The following ISCA1 variants were observed in gnomAD, a reference collection of about 807,000 sequenced individuals.
ISCA1 encodes iron-sulfur cluster assembly 1 homolog, mitochondrial.
ISCA1 carries 9 observed loss-of-function variants against 14.7 expected under a neutral mutation model. The observed-to-expected ratio is 0.61, with a 90% CI of 0.37 to 1.07. The LOEUF (loss-of-function observed/expected upper bound fraction) is 1.07. Among genes scored for constraint, ISCA1 ranks in the 50% least tolerant of loss-of-function variants. The pLI is 0.01. For synonymous variants in ISCA1, 38 were observed against 54.3 expected (o/e 0.70, Z 1.32); for missense variants, 102 against 150.1 (o/e 0.68, Z 1.67).
At chr9:86,278,926 A>G (rs1454734535) in intron 1 of ISCA1, among the ~76,000 whole-genome samples, 1 of 152,220 alleles carries the variant, frequency 6.6e-6, no homozygotes, top group Non-Finnish European at 1.5e-5. Context: ...AACTTAAAAA[A>G]AACCATAATT....
At position 86,264,704 on chromosome 9, in the gene ISCA1, G is replaced by A. The variant is rs560941723; in HGVS notation, c.*1339C>T. On this transcript the variant is annotated 3_prime_UTR_variant, in exon 4 of 4. Coordinates refer to ENST00000375991, the MANE Select transcript of ISCA1 (RefSeq NM_030940.4). ...ACCGCTCTAGGTTTTGGTGTGTTTT[G>A]TGTCAGCTACTTTAGTGAATAAACG... 2.0e-5 allele frequency: 3 copies of A among 152,558 alleles called. No homozygotes were observed. The highest frequency in any genetic ancestry group is 1.9e-4 in the East Asian group (1 of 5,176). The allele number at this position is 152,558 out of a possible 1,614,324, so 9.5% of individuals were successfully genotyped here. A position where few individuals can be genotyped will look rare whatever the true frequency, so the allele number is the denominator to read the frequency against.
At chr9:86,275,559 C>A (rs945447285) in intron 1 of ISCA1, among the ~76,000 whole-genome samples, 2 of 152,282 alleles carry the variant, frequency 1.3e-5, no homozygotes, top group African/African-American at 4.8e-5. Context: ...AATGTGAAGA[C>A]CAACATGTCT....
chr9:86,266,032 G>A lies in ISCA1; in HGVS notation c.*11C>T, dbSNP rs1158985965. On this transcript the variant is annotated 3_prime_UTR_variant, in exon 4 of 4. Coordinates refer to ENST00000375991, the MANE Select transcript of ISCA1 (RefSeq NM_030940.4). ...TTTCCTGGAACCTACGGCCAGAAGA[G>A]TCCTGAGATTTCAAATATTAAAGCT... 6.2e-7 allele frequency: 1 copy of A among 1,611,792 alleles called. No homozygotes were observed. The highest frequency in any genetic ancestry group is 8.5e-7 in the Non-Finnish European group (1 of 1,179,834).
At position 86,282,252 on chromosome 9, in the gene ISCA1, C is replaced by G; in HGVS notation, c.81+126G>C. 5 of 1,054,736 alleles carry G rather than the reference C, an allele frequency of 4.7e-6. No homozygotes were observed. In the South Asian group the frequency reaches 6.9e-5, roughly 15 times the overall value. 65.3% of individuals were successfully genotyped at this position (1,054,736 alleles called of 1,614,324 possible). A position where few individuals can be genotyped will look rare whatever the true frequency, so the allele number is the denominator to read the frequency against. The stretch of plus-strand genomic sequence containing the variant: ...GAGGCGGCGAGGCTGTGCGGCGGGT[C>G]GGAGCGACGCCGAGGTCTGACGTGT... On this transcript the variant is annotated intron_variant, in intron 1 of 3. Transcript: ENST00000375991.
rs1345445004 is a variant in ISCA1, at chr9:86,282,484, C to T, written c.-26G>A. 6.4e-7 allele frequency: 1 copy of T among 1,550,464 alleles called. No individual in the cohort carries two copies. Among genetic ancestry groups the T allele is most frequent in the Admixed American group, 2.0e-5 (1 of 51,050 alleles). On this transcript the variant is annotated 5_prime_UTR_variant, in exon 1 of 4. Coordinates refer to ENST00000375991, the MANE Select transcript of ISCA1 (RefSeq NM_030940.4). ...CTTCGCCGTCCCGGCGCCCCGGTGC[C>T]TCGGGCCGAAGGTCGGCCGCCTCAG... is the stretch of plus-strand genomic sequence containing the variant.
chr9:86,268,614 C>G (rs189379418), intron 3 of ISCA1, among the ~76,000 whole-genome samples: 3 of 152,160 alleles, frequency 2.0e-5, no homozygotes, highest in Admixed American at 2.0e-4. Flanking sequence ...CACTGACTCA[C>G]GCGGACAACT....
In ISCA1 at chr9:86,265,383, C is replaced by A. The variant is rs1825282231; in HGVS notation, c.*660G>T. The A allele has an allele frequency of 1.3e-5, 2 of 152,202 alleles. No homozygotes were observed. The highest frequency in any genetic ancestry group is 2.9e-5 in the Non-Finnish European group (2 of 68,152). The allele number at this position is 152,202 out of a possible 1,614,324, so 9.4% of individuals were successfully genotyped here. A position where few individuals can be genotyped will look rare whatever the true frequency, so the allele number is the denominator to read the frequency against. On this transcript the variant is annotated 3_prime_UTR_variant, in exon 4 of 4. Coordinates refer to ENST00000375991, the MANE Select transcript of ISCA1 (RefSeq NM_030940.4). ...TAGATGGCTTTAAGAGACTTCTCAA[C>A]TAAAAGAATCAAAGTCAGCTTGAGA...
chr9:86,266,268 T>C (rs1825292347), intron 3 of ISCA1, 77 bp from the exon 4 acceptor site: 1 of 1,511,256 alleles, frequency 6.6e-7, no homozygotes. Context: ...CAAGTGAACT[T>C]GAAATAGTGA....
chr9:86,273,318 TCA>T (rs1825396148), intron 2 of ISCA1, among the ~76,000 whole-genome samples: 1 of 152,176 alleles, frequency 6.6e-6, no homozygotes, highest in South Asian at 2.1e-4. Context: ...CATCCCTAAC[TCA>T]ACAATTCTGT....
At chr9:86,267,349 TATA>T in intron 3 of ISCA1, 3 of 825,296 alleles carry the variant, frequency 3.6e-6, no homozygotes. Context: ...TCTTAAGGTT[TATA>T]ATGTGTTATA....
intron 1 of ISCA1, among the ~76,000 whole-genome samples, chr9:86,276,624 C>G (rs746369413): frequency 6.6e-6 from 1 of 152,052 alleles, no homozygotes; most frequent in South Asian, 2.1e-4. Flanking sequence ...GGAAGTATCA[C>G]TTGAGGTCAG....
chr9:86,275,222 G>A (rs930539507), intron 1 of ISCA1, among the ~76,000 whole-genome samples: 6 of 152,224 alleles, frequency 3.9e-5, no homozygotes, highest in Admixed American at 3.9e-4. Context: ...TTATGATTAT[G>A]AGAGTACATC....
chr9:86,270,551 T>C (rs1167036243), intron 3 of ISCA1, among the ~76,000 whole-genome samples: 306 of 151,304 alleles, frequency 2.0e-3, no homozygotes, highest in Non-Finnish European at 3.5e-3. Context: ...CTCAGGGATC[T>C]AGAACTAGAA....
At chr9:86,266,571 C>A (rs1294568144) in intron 3 of ISCA1, among the ~76,000 whole-genome samples, 3 of 151,854 alleles carry the variant, frequency 2.0e-5, no homozygotes, top group Non-Finnish European at 4.4e-5. Flanking sequence ...ACACTAGATA[C>A]ACGGATTCAA....
At chr9:86,269,287 A>T (rs1389376104) in intron 3 of ISCA1, among the ~76,000 whole-genome samples, 1 of 152,240 alleles carries the variant, frequency 6.6e-6, no homozygotes, top group African/African-American at 2.4e-5. Flanking sequence ...GCATTCTTAT[A>T]CACCAATAAC....
At chr9:86,268,890 G>A (rs758242605) in intron 3 of ISCA1, among the ~76,000 whole-genome samples, 1 of 152,032 alleles carries the variant, frequency 6.6e-6, no homozygotes, top group Non-Finnish European at 1.5e-5. Flanking sequence ...CGCCTCCTGG[G>A]GTTCAAGCGA....
At chr9:86,272,959 C>T (rs746909143) in intron 2 of ISCA1, among the ~76,000 whole-genome samples, 2 of 152,180 alleles carry the variant, frequency 1.3e-5, no homozygotes, top group Non-Finnish European at 2.9e-5. Flanking sequence ...ATTGAATCCA[C>T]GTATGCGGAA....
chr9:86,272,147 A>C (rs961108763), intron 2 of ISCA1, 35 bp from the exon 3 acceptor site: 7 of 1,259,288 alleles, frequency 5.6e-6, no homozygotes, highest in Non-Finnish European at 7.0e-6. Context: ...CTTGGTTTTA[A>C]AGTAGTACAG....
chr9:86,279,294 C>G (rs1204526209), intron 1 of ISCA1, among the ~76,000 whole-genome samples: 1 of 152,164 alleles, frequency 6.6e-6, no homozygotes, highest in Non-Finnish European at 1.5e-5. Flanking sequence ...TGTGATCCAC[C>G]CCAGTCCTAC....
Sources: allele counts gnomAD v4.1 joint callset (sites outside exome capture counted in the v4.1 genomes callset), GRCh38; gene constraint gnomAD v4.1.1; transcripts MANE v1.5; gene names NCBI Gene and HGNC (gene_info 2026-07-23, HGNC 2026-07-21).